HDAC9: variants seen among roughly 807,000 people sequenced by gnomAD.
HDAC9 encodes MEF-2 interacting transcription repressor (MITR) protein.
HDAC9 carries 41 observed loss-of-function variants against 139.4 expected under a neutral mutation model. The ratio of observed to expected loss-of-function variants is 0.29; its 90% CI spans 0.23 to 0.38. The LOEUF is 0.38. Among genes scored for constraint, HDAC9 ranks in the 10% least tolerant of loss-of-function variants. The probability of loss-of-function intolerance (pLI) is 1.00; values close to 1 mark genes in which losing one functional copy is unlikely to be tolerated. For missense variants in HDAC9, 1,147 were observed against 1,297.0 expected, an observed-to-expected ratio of 0.88 and a Z score of 1.78; for synonymous variants, 517 against 476.2, an observed-to-expected ratio of 1.09 and a Z score of -1.12.
intron 2 of HDAC9, among the ~76,000 whole-genome samples, chr7:18,206,081 A>G (rs1200425619): frequency 2.6e-5 from 4 of 152,166 alleles, no homozygotes; most frequent in Non-Finnish European, 5.9e-5. Context: ...AGGCCAATGA[A>G]AAATTTGTGT....
rs150426036 is a variant in HDAC9 at position 18,183,881 on chromosome 7, G to T, written c.25+21532G>T. ...GTGTCTTTCTCCTCCCCTCCTCTTC[G>T]AGTGCCCTGAAACTTTTTTCATTCT... On this transcript the variant is annotated intron_variant, in intron 2 of 12. Coordinates refer to the HDAC9 transcript ENST00000417496. Among the ~76,000 whole-genome samples, 4 of 152,162 alleles carry T rather than the reference G, an allele frequency of 2.6e-5. No individual in the cohort carries two copies. In the East Asian group the frequency reaches 7.7e-4, roughly 29 times the overall value.
chr7:18,095,187 T>A (rs148753867), intron 1 of HDAC9, among the ~76,000 whole-genome samples: 1 of 152,160 alleles, frequency 6.6e-6, no homozygotes, highest in Admixed American at 6.6e-5. Flanking sequence ...CTGGGCCCAG[T>A]GTATGTCCCA....
intron 2 of HDAC9, among the ~76,000 whole-genome samples, chr7:18,231,787 CTTG>C (rs568883719): frequency 3.0e-4 from 46 of 152,212 alleles, no homozygotes; most frequent in Admixed American, 9.2e-4. Flanking sequence ...TCCTAAAGGA[CTTG>C]TTAATTTAAC....
At chr7:18,230,730 A>G (rs978656142) in intron 2 of HDAC9, among the ~76,000 whole-genome samples, 2 of 152,214 alleles carry the variant, frequency 1.3e-5, no homozygotes, top group African/African-American at 2.4e-5. Context: ...AAGTAGAGAC[A>G]GTACGTAAGT....
chr7:18,802,939 T>G (rs1793423320), intron 17 of HDAC9, among the ~76,000 whole-genome samples: 1 of 151,884 alleles, frequency 6.6e-6, no homozygotes, highest in African/African-American at 2.4e-5. Flanking sequence ...AATATGACTG[T>G]GTATTTTAAT....
Position 19,001,669 on chromosome 7 carries a change from T to A in HDAC9, c.*5607T>A, listed in dbSNP as rs760744432. ...ATTTGTTCTTCCTACACTTTAATAGTCTCAAATTCTTTCTGGGGAAGCAAC... is the reference window on the plus strand; with the variant it reads ...ATTTGTTCTTCCTACACTTTAATAGACTCAAATTCTTTCTGGGGAAGCAAC... On this transcript the variant is annotated 3_prime_UTR_variant, in exon 26 of 26. Coordinates refer to ENST00000686413, the MANE Select transcript of HDAC9 (RefSeq NM_178425.4). The A allele has an allele frequency of 3.3e-5, 5 of 152,014 alleles. No individual in the cohort carries two copies. The highest frequency in any genetic ancestry group is 4.4e-5 in the Non-Finnish European group (3 of 67,936). 9.4% of individuals were successfully genotyped at this position (152,014 alleles called of 1,614,324 possible). A position where few individuals can be genotyped will look rare whatever the true frequency, so the allele number is the denominator to read the frequency against.
At chr7:18,217,558 A>C (rs1792406455) in intron 2 of HDAC9, among the ~76,000 whole-genome samples, 1 of 152,172 alleles carries the variant, frequency 6.6e-6, no homozygotes. Flanking sequence ...ATTTACTGTA[A>C]CTGGAACATT....
At chr7:18,911,483 A>G (rs576312447) in intron 22 of HDAC9, among the ~76,000 whole-genome samples, 3 of 150,998 alleles carry the variant, frequency 2.0e-5, no homozygotes, top group South Asian at 4.2e-4. Context: ...CATTTTGTTC[A>G]TCTTTTGTAT....
chr7:18,175,547 G>T (rs752714409), intron 2 of HDAC9, among the ~76,000 whole-genome samples: 1 of 152,162 alleles, frequency 6.6e-6, no homozygotes, highest in Non-Finnish European at 1.5e-5. Context: ...TGTTGATCAC[G>T]ATGGGAGCTG....
At chr7:18,863,879 GGAACA>G (rs890564721) in intron 21 of HDAC9, among the ~76,000 whole-genome samples, 9 of 152,176 alleles carry the variant, frequency 5.9e-5, no homozygotes, top group South Asian at 2.1e-4. Context: ...TCAGGCGAAG[GGAACA>G]GCCAGTGTGA....
intron 17 of HDAC9, among the ~76,000 whole-genome samples, chr7:18,807,523 T>C (rs1793811840): frequency 6.6e-6 from 1 of 152,142 alleles, no homozygotes. Flanking sequence ...TGTAAAGGTT[T>C]GTTGTTTATT....
chr7:18,385,742 AC>A (rs1785863124), intron 1 of HDAC9, among the ~76,000 whole-genome samples: 1 of 152,176 alleles, frequency 6.6e-6, no homozygotes, highest in Non-Finnish European at 1.5e-5. Flanking sequence ...TGCAAAACAA[AC>A]CCAATGCACT....
At chr7:18,816,624 G>A (rs1255077682) in intron 17 of HDAC9, among the ~76,000 whole-genome samples, 1 of 152,174 alleles carries the variant, frequency 6.6e-6, no homozygotes, top group Non-Finnish European at 1.5e-5. Flanking sequence ...GAAAGACTTC[G>A]TTTTCTCTCT....
chr7:18,398,444 G>A (rs918471309), intron 1 of HDAC9, among the ~76,000 whole-genome samples: 4 of 152,070 alleles, frequency 2.6e-5, no homozygotes, highest in Non-Finnish European at 5.9e-5. Flanking sequence ...GTAAAGCACT[G>A]CCTTAGAGTT....
intron 23 of HDAC9, among the ~76,000 whole-genome samples, chr7:18,944,460 A>G (rs1782234540): frequency 6.6e-6 from 1 of 152,200 alleles, no homozygotes. Flanking sequence ...TACAGTGGAA[A>G]GAACATGAAC....
intron 1 of HDAC9, among the ~76,000 whole-genome samples, chr7:18,435,175 A>G (rs1435043840): frequency 6.6e-6 from 1 of 151,960 alleles, no homozygotes; most frequent in Non-Finnish European, 1.5e-5. Flanking sequence ...AGTACTGCAT[A>G]TTCTTACTTA....
chr7:18,836,643 A>G (rs891861804), intron 21 of HDAC9, among the ~76,000 whole-genome samples: 1 of 152,148 alleles, frequency 6.6e-6, no homozygotes, highest in Non-Finnish European at 1.5e-5. Flanking sequence ...ATATTAATAT[A>G]AATAAGAAAA....
In HDAC9 at chr7:18,357,747, A is replaced by G. The variant is rs190791063; in HGVS notation, c.-42+67232A>G. ...TATCCAGGCAGAGGAACAGAGTATGAGAAGGCCCTGAGTCAGGAAGGAGCA... is the reference window on the plus strand; with the variant it reads ...TATCCAGGCAGAGGAACAGAGTATGGGAAGGCCCTGAGTCAGGAAGGAGCA... On this transcript the variant is annotated intron_variant, in intron 1 of 3. Coordinates refer to the HDAC9 transcript ENST00000413509. Among the ~76,000 whole-genome samples the G allele has an allele frequency of 2.0e-5, 3 of 152,216 alleles. No homozygotes were observed. In the East Asian group the frequency reaches 5.8e-4, roughly 29 times the overall value.
At chr7:18,794,494 A>G (rs1030708990) in intron 17 of HDAC9, among the ~76,000 whole-genome samples, 1 of 152,236 alleles carries the variant, frequency 6.6e-6, no homozygotes, top group Non-Finnish European at 1.5e-5. Context: ...GCCTACGGAA[A>G]TATAATTTTG....
Sources: allele counts gnomAD v4.1 joint callset (sites outside exome capture counted in the v4.1 genomes callset), GRCh38; gene constraint gnomAD v4.1.1; transcripts MANE v1.5; gene names NCBI Gene and HGNC (gene_info 2026-07-23, HGNC 2026-07-21).